The following SMCHD1 variants were observed in gnomAD, a reference collection of about 807,000 sequenced individuals.
The protein encoded by SMCHD1 is structural maintenance of chromosomes flexible hinge domain-containing protein 1.
A neutral mutation model predicts 254.7 loss-of-function variants in SMCHD1; 78 were observed. The observed-to-expected ratio is 0.31, with a 90% CI of 0.26 to 0.37. SMCHD1 has a LOEUF of 0.37. SMCHD1 is among the 10% of genes least tolerant of loss of function. The pLI is 1.00. For synonymous variants in SMCHD1, 766 were observed against 794.9 expected (o/e 0.96, Z 0.61); for missense variants, 1,840 against 2,408.1 (o/e 0.76, Z 4.94).
intron 25 of SMCHD1, among the ~76,000 whole-genome samples, chr18:2,737,306 CAT>C (rs1568272517): frequency 6.6e-6 from 1 of 152,170 alleles, no homozygotes; most frequent in African/African-American, 2.4e-5. Flanking sequence ...TGAGATAACT[CAT>C]AGACCAAATC....
At chr18:2,745,282 G>A (rs1412357198) in intron 29 of SMCHD1, among the ~76,000 whole-genome samples, 2 of 152,138 alleles carry the variant, frequency 1.3e-5, no homozygotes, top group Non-Finnish European at 2.9e-5. Flanking sequence ...TTCTCGCAAA[G>A]TTCTGGGATT....
chr18:2,666,846 T>TA (rs771896016), intron 2 of SMCHD1, 24 bp from the exon 3 acceptor site: 3 of 1,592,310 alleles, frequency 1.9e-6, no homozygotes, highest in South Asian at 2.2e-5. Flanking sequence ...ACCTAGCACT[T>TA]ATGATTTTCA....
At chr18:2,750,014 TTAAC>T in intron 30 of SMCHD1, 25 bp from the exon 31 acceptor site, 1 of 1,531,730 alleles carries the variant, frequency 6.5e-7, no homozygotes, top group Non-Finnish European at 8.8e-7. Context: ...AATTTTCTAA[TTAAC>T]CATTTTGTTT....
chr18:2,691,532 T>A (rs564046781), intron 7 of SMCHD1: 18 of 152,374 alleles, frequency 1.2e-4, no homozygotes, highest in African/African-American at 4.3e-4. Flanking sequence ...TTGCTACTTA[T>A]GTCAAAAGCT....
chr18:2,666,301 C>A, intron 2 of SMCHD1, 69 bp downstream of exon 2: 1 of 703,788 alleles, frequency 1.4e-6, no homozygotes, highest in Admixed American at 3.2e-5. Flanking sequence ...ATAGCAATAA[C>A]TTTTATTAGA....
intron 45 of SMCHD1, among the ~76,000 whole-genome samples, chr18:2,789,191 T>G (rs1000914751): frequency 6.5e-5 from 9 of 138,972 alleles, no homozygotes; most frequent in Non-Finnish European, 7.8e-5. Flanking sequence ...TGGCTAATTT[T>G]TTTGTATTAT....
At position 2,793,440 on chromosome 18, in the gene SMCHD1, G is replaced by A. The variant is rs570417628; in HGVS notation, c.5720-2509G>A. Among the ~76,000 whole-genome samples the A allele has an allele frequency of 4.6e-5, 7 of 152,102 alleles. No homozygotes were observed. The East Asian group carries it at 1.4e-3, about 29-fold the overall frequency. On this transcript the variant is annotated intron_variant, in intron 45 of 47. Transcript: ENST00000320876. ...GCACTTTGGGAGGCTGAGGCGGGTG[G>A]ATCACGAGGTCAGGAGATCAAGACC...
chr18:2,665,243 C>A (rs947921847), intron 1 of SMCHD1, among the ~76,000 whole-genome samples: 1 of 151,864 alleles, frequency 6.6e-6, no homozygotes, highest in South Asian at 2.1e-4. Context: ...GTATTTTCTC[C>A]TTTTCATTTT....
intron 17 of SMCHD1, among the ~76,000 whole-genome samples, chr18:2,713,603 T>G (rs2074729635): frequency 6.6e-6 from 1 of 152,174 alleles, no homozygotes; most frequent in Non-Finnish European, 1.5e-5. Context: ...GAGAATCACT[T>G]GAACCTGGGA....
chr18:2,776,802 A>G (rs1261520893), intron 42 of SMCHD1, among the ~76,000 whole-genome samples: 3 of 152,206 alleles, frequency 2.0e-5, no homozygotes, highest in Non-Finnish European at 4.4e-5. Flanking sequence ...CAGATCTATC[A>G]GATTCTAAAA....
In SMCHD1 at chr18:2,759,569, C is replaced by CTTTTTT. The variant is rs763885639; in HGVS notation, c.4347-1082_4347-1081insTTTTTT. ...GGAAGCAGAAGTCCGTTTTAATTCT[C>CTTTTTT]TCTTTTTTTTTTTTTTTTGAGATAG... is the stretch of plus-strand genomic sequence containing the variant. On this transcript the variant is annotated intron_variant, in intron 34 of 47. Coordinates refer to ENST00000320876, the MANE Select transcript of SMCHD1 (RefSeq NM_015295.3). Among the ~76,000 whole-genome samples, 46 of 36,986 alleles carry CTTTTTT rather than the reference C, an allele frequency of 1.2e-3. 1 individual carries two copies. The highest frequency in any genetic ancestry group is 1.5e-3 in the Non-Finnish European group (33 of 21,314). 24.3% of individuals were successfully genotyped at this position (36,986 alleles called of 152,430 possible).
At chr18:2,761,391 C>A (rs925249740) in intron 35 of SMCHD1, among the ~76,000 whole-genome samples, 52 of 152,144 alleles carry the variant, frequency 3.4e-4, no homozygotes, top group African/African-American at 1.1e-3. Flanking sequence ...AATACACTTG[C>A]ACATACACCC....
intron 34 of SMCHD1, among the ~76,000 whole-genome samples, chr18:2,756,972 A>G (rs184836006): frequency 6.6e-6 from 1 of 152,216 alleles, no homozygotes; most frequent in African/African-American, 2.4e-5. Flanking sequence ...TAAAGAACAA[A>G]CTTTGGGCTT....
intron 13 of SMCHD1, among the ~76,000 whole-genome samples, chr18:2,704,505 G>A (rs1350630204): frequency 2.0e-5 from 3 of 152,024 alleles, no homozygotes; most frequent in Non-Finnish European, 4.4e-5. Context: ...TAGCAATGGG[G>A]ATAGTGTAAG....
chr18:2,789,066 C>A (rs1178029742), intron 45 of SMCHD1, among the ~76,000 whole-genome samples: 1 of 151,564 alleles, frequency 6.6e-6, no homozygotes, highest in Non-Finnish European at 1.5e-5. Flanking sequence ...GTTGCCCAGG[C>A]TGGAGTGCAG....
chr18:2,731,734 G>A (rs1378293369), intron 24 of SMCHD1, among the ~76,000 whole-genome samples: 4 of 152,234 alleles, frequency 2.6e-5, no homozygotes, highest in Admixed American at 6.5e-5. Flanking sequence ...GGAAGGGACC[G>A]GGCGCAGTGG....
At position 2,736,206 on chromosome 18, in the gene SMCHD1, T is replaced by C. The variant is rs2075246344; in HGVS notation, c.3277-2191T>C. ...GTGCCGGGATAACTGGCTAGCCATA[T>C]GCAGAAGAATGAAAGTGGATCCCTA... is the stretch of plus-strand genomic sequence containing the variant. On this transcript the variant is annotated intron_variant, in intron 25 of 47. Coordinates refer to ENST00000320876, the MANE Select transcript of SMCHD1 (RefSeq NM_015295.3). Among the ~76,000 whole-genome samples the C allele has an allele frequency of 2.6e-5, 4 of 152,358 alleles. No individual in the cohort carries two copies. The South Asian group carries it at 8.3e-4, about 32-fold the overall frequency.
intron 5 of SMCHD1, among the ~76,000 whole-genome samples, chr18:2,683,497 T>G (rs2073975412): frequency 6.6e-6 from 1 of 152,224 alleles, no homozygotes; most frequent in East Asian, 1.9e-4. Context: ...TCTTAAGTGA[T>G]TTCAGCTGTT....
chr18:2,712,066 A>T (rs2074689565), intron 17 of SMCHD1, among the ~76,000 whole-genome samples: 1 of 152,258 alleles, frequency 6.6e-6, no homozygotes, highest in East Asian at 1.9e-4. Context: ...CCAAATAAAC[A>T]TCCTTTTCTT....
Sources: gnomAD v4.1 joint callset for allele counts (sites outside exome capture counted in the v4.1 genomes callset) on GRCh38, gnomAD v4.1.1 for gene constraint, MANE v1.5 for transcripts, NCBI Gene and HGNC (gene_info 2026-07-23, HGNC 2026-07-21) for gene names.